Variants in STOX1 observed in about 807,000 individuals in gnomAD.
STOX1 encodes the protein storkhead-box protein 1.
In STOX1, 57 loss-of-function variants were observed where a neutral mutation model predicts 74.8. The observed-to-expected ratio is 0.76, with a 90% CI of 0.62 to 0.95. STOX1 has a LOEUF of 0.95. STOX1 is among the 40% of genes least tolerant of loss of function. STOX1 has a pLI of 0.00. For synonymous variants in STOX1, 375 were observed against 401.3 expected, an observed-to-expected ratio of 0.93 and a Z score of 0.78; for missense variants, 1,010 against 1,117.0, an observed-to-expected ratio of 0.90 and a Z score of 1.37.
At chr10:68,869,907 C>G (rs933997730) in intron 1 of STOX1, among the ~76,000 whole-genome samples, 1 of 151,940 alleles carries the variant, frequency 6.6e-6, no homozygotes, top group African/African-American at 2.4e-5. Flanking sequence ...AGTTCAGTTC[C>G]CTGTGTATGG....
At chr10:68,852,150 G>A (rs1284593295) in intron 1 of STOX1, among the ~76,000 whole-genome samples, 1 of 150,138 alleles carries the variant, frequency 6.7e-6, no homozygotes, top group African/African-American at 2.4e-5. Flanking sequence ...AAATAAATAT[G>A]TTATCTCACT....
At chr10:68,880,595 G>GC (rs1489754277) in intron 1 of STOX1, among the ~76,000 whole-genome samples, 3 of 151,810 alleles carry the variant, frequency 2.0e-5, no homozygotes, top group Non-Finnish European at 4.4e-5. Context: ...TTTTTTTGAA[G>GC]CCCTTTTTTT....
chr10:68,871,333 G>T (rs1363619898), intron 1 of STOX1, among the ~76,000 whole-genome samples: 1 of 152,174 alleles, frequency 6.6e-6, no homozygotes, highest in African/African-American at 2.4e-5. Context: ...CCAAATTGTG[G>T]GGTCTGTTCC....
intron 1 of STOX1, among the ~76,000 whole-genome samples, chr10:68,863,837 A>G (rs575046290): frequency 1.3e-5 from 2 of 152,116 alleles, no homozygotes; most frequent in East Asian, 3.9e-4. Context: ...CCTCAATTAC[A>G]GCTATAAGCT....
chr10:68,888,996 T>C (rs1841036143), intron 3 of STOX1, among the ~76,000 whole-genome samples: 1 of 151,714 alleles, frequency 6.6e-6, no homozygotes. Context: ...TGTTGTTTTT[T>C]CTTTGAGACA....
chr10:68,885,981 G>C lies in STOX1; in HGVS notation c.2185G>C (p.Asp729His), dbSNP rs1840941795. The C allele has an allele frequency of 1.2e-6, 2 of 1,614,230 alleles. No individual in the cohort carries two copies. The highest frequency in any genetic ancestry group is 1.7e-6 in the Non-Finnish European group (2 of 1,180,054). Residue 729 changes from aspartate (D) to histidine (H), a missense_variant, in exon 3 of 4, where the codon GAT becomes CAT. Asp to His is a moderately conservative substitution (Grantham distance 81). Transcript: ENST00000298596. Reference sequence around the variant, plus strand: ...GTATCAGAATGAAGTGGAAGATGATGATGGTGCCTGTAGTTCATTATATCT... The same window carrying C: ...GTATCAGAATGAAGTGGAAGATGATCATGGTGCCTGTAGTTCATTATATCT... Reference protein sequence around the residue: ...ALYQNEVEDDDGACSSLYLEE... With the variant: ...ALYQNEVEDDHGACSSLYLEE...
chr10:68,829,623 A>G (rs894461354), intron 1 of STOX1, among the ~76,000 whole-genome samples: 1 of 152,188 alleles, frequency 6.6e-6, no homozygotes, highest in South Asian at 2.1e-4. Context: ...CGATAACTGT[A>G]TCATCCATTC....
chr10:68,836,097 C>G (rs1204823987), intron 1 of STOX1, among the ~76,000 whole-genome samples: 1 of 151,952 alleles, frequency 6.6e-6, no homozygotes, highest in Non-Finnish European at 1.5e-5. Context: ...GTCTCAGTCT[C>G]CTGACCTTGT....
intron 1 of STOX1, among the ~76,000 whole-genome samples, chr10:68,858,832 A>C (rs537746692): frequency 7.9e-5 from 12 of 152,238 alleles, no homozygotes; most frequent in African/African-American, 2.7e-4. Context: ...GGAGAGAAGC[A>C]GGCAAGGCTG....
intron 1 of STOX1, among the ~76,000 whole-genome samples, chr10:68,840,701 C>G (rs1345027020): frequency 6.6e-6 from 1 of 151,774 alleles, no homozygotes; most frequent in Non-Finnish European, 1.5e-5. Context: ...GCTGGGATTA[C>G]AGGCATGAGC....
chr10:68,894,321 G>A (rs191897584), downstream of STOX1, among the ~76,000 whole-genome samples: 3 of 152,238 alleles, frequency 2.0e-5, no homozygotes, highest in Admixed American at 6.5e-5. Flanking sequence ...GGCTTCCAAA[G>A]TGCTGGGATT....
chr10:68,850,712 G>A (rs574680800), intron 1 of STOX1, among the ~76,000 whole-genome samples: 43 of 152,298 alleles, frequency 2.8e-4, no homozygotes, highest in African/African-American at 8.4e-4. Context: ...AGTGGCTCAC[G>A]CCTGTAATCC....
intron 1 of STOX1, among the ~76,000 whole-genome samples, chr10:68,840,474 C>T (rs932043409): frequency 8.0e-4 from 121 of 152,174 alleles, no homozygotes; most frequent in African/African-American, 2.8e-3. Flanking sequence ...TGCCCAGGCT[C>T]GGCTCAAGTG....
At chr10:68,893,411 C>G (rs1327425053), downstream of STOX1, among the ~76,000 whole-genome samples, 3 of 152,140 alleles carry the variant, frequency 2.0e-5, no homozygotes, top group Non-Finnish European at 2.9e-5. Context: ...TCCTCTGGTT[C>G]CTCCCTACAT....
chr10:68,856,007 G>T (rs1193637729), intron 1 of STOX1, among the ~76,000 whole-genome samples: 15 of 152,104 alleles, frequency 9.9e-5, no homozygotes, highest in Non-Finnish European at 1.5e-5. Context: ...GACCAGAGCT[G>T]TCAGTCAGAA....
chr10:68,872,112 A>G (rs1346569865), intron 1 of STOX1, among the ~76,000 whole-genome samples: 1 of 152,104 alleles, frequency 6.6e-6, no homozygotes, highest in Admixed American at 6.6e-5. Context: ...GATTCAATAC[A>G]GGCGCCCAGA....
intron 1 of STOX1, among the ~76,000 whole-genome samples, chr10:68,870,134 A>G (rs1840502516): frequency 6.6e-6 from 1 of 152,128 alleles, no homozygotes; most frequent in Admixed American, 6.5e-5. Flanking sequence ...CTGGACTTTT[A>G]AATTTTTATT....
chr10:68,829,492 G>T (rs909190048), intron 1 of STOX1, among the ~76,000 whole-genome samples: 8 of 152,076 alleles, frequency 5.3e-5, no homozygotes, highest in Admixed American at 5.2e-4. Context: ...ACTCCAGCCT[G>T]GGTGACAAGA....
intron 1 of STOX1, among the ~76,000 whole-genome samples, chr10:68,836,558 C>T (rs961897746): frequency 2.0e-5 from 3 of 152,184 alleles, no homozygotes; most frequent in Non-Finnish European, 2.9e-5. Flanking sequence ...CGTCCACAGC[C>T]GTGTGTTGTC....
Sources: allele counts gnomAD v4.1 joint callset (sites outside exome capture counted in the v4.1 genomes callset), GRCh38; gene constraint gnomAD v4.1.1; transcripts MANE v1.5; gene names NCBI Gene and HGNC (gene_info 2026-07-23, HGNC 2026-07-21).